Variants in C1orf21 observed in about 807,000 individuals in gnomAD.
C1orf21 encodes the protein chromosome 1 open reading frame 21.
Under a neutral mutation model 18.7 loss-of-function variants are expected in C1orf21, and 3 were observed. The observed-to-expected ratio is 0.16, with a 90% CI of 0.07 to 0.42. The LOEUF (loss-of-function observed/expected upper bound fraction) is 0.42, where lower values mean the gene tolerates loss of function less well. Among genes scored for constraint, C1orf21 ranks in the 10% least tolerant of loss-of-function variants. The pLI is 0.99. For synonymous variants in C1orf21, 41 were observed against 46.4 expected (o/e 0.88, Z 0.47); for missense variants, 104 against 143.6 (o/e 0.72, Z 1.41).
intron 4 of C1orf21, among the ~76,000 whole-genome samples, chr1:184,597,660 A>G (rs1026581931): frequency 5.3e-5 from 8 of 152,136 alleles, no homozygotes; most frequent in East Asian, 1.9e-4. Flanking sequence ...ACCATGGCCC[A>G]TTAAGACTAA....
intron 2 of C1orf21, among the ~76,000 whole-genome samples, chr1:184,502,546 A>G (rs573849503): frequency 5.3e-5 from 8 of 151,962 alleles, no homozygotes; most frequent in Non-Finnish European, 1.2e-4. Context: ...AAATGTAAAT[A>G]AGCATTAGGT....
chr1:184,617,805 A>G (rs1478704353), intron 5 of C1orf21, among the ~76,000 whole-genome samples: 1 of 152,082 alleles, frequency 6.6e-6, no homozygotes, highest in South Asian at 2.1e-4. Context: ...ATCCCATTCT[A>G]AGGGAGCAAG....
intron 3 of C1orf21, among the ~76,000 whole-genome samples, chr1:184,528,076 G>A (rs936873310): frequency 1.3e-5 from 2 of 152,154 alleles, no homozygotes; most frequent in African/African-American, 4.8e-5. Flanking sequence ...AGTAAGTGCT[G>A]TGTAAGTGTT....
chr1:184,580,102 G>A (rs1408773019), intron 3 of C1orf21, among the ~76,000 whole-genome samples: 3 of 152,050 alleles, frequency 2.0e-5, no homozygotes, highest in Admixed American at 1.3e-4. Context: ...CCTCCAGAAA[G>A]TCAACAAGCA....
In C1orf21 at chr1:184,425,010, G is replaced by A. The variant is rs1330302774; in HGVS notation, c.-125+37642G>A. On this transcript the variant is annotated intron_variant, in intron 1 of 5. Coordinates refer to ENST00000235307, the MANE Select transcript of C1orf21 (RefSeq NM_030806.4). ...ATGAACATCTTAAAAAACTTAGGTG[G>A]AGGTCTTTAACTTAATTTCTGTTAA... Among the ~76,000 whole-genome samples the A allele has an allele frequency of 2.0e-5, 3 of 152,252 alleles. 1 individual carries two copies. In the South Asian group the frequency reaches 6.2e-4, roughly 32 times the overall value.
At chr1:184,503,334 T>A (rs1658005771) in intron 2 of C1orf21, among the ~76,000 whole-genome samples, 1 of 152,106 alleles carries the variant, frequency 6.6e-6, no homozygotes, top group Non-Finnish European at 1.5e-5. Flanking sequence ...CTCAGGGAAT[T>A]GATAGTGGTA....
intron 1 of C1orf21, among the ~76,000 whole-genome samples, chr1:184,443,258 G>T (rs1445622141): frequency 6.6e-6 from 1 of 151,942 alleles, no homozygotes; most frequent in Admixed American, 6.6e-5. Flanking sequence ...AAAGAGCTCT[G>T]GGTGAGATTA....
rs188827389 is a variant in C1orf21 at position 184,609,957 on chromosome 1, T to C, written c.328-9561T>C. ...TTCATGTTTGTAAAATAAGAACAGTTTTTGCAGAAGAGCTCTGGAGAGATG... is the reference window on the plus strand; with the variant it reads ...TTCATGTTTGTAAAATAAGAACAGTCTTTGCAGAAGAGCTCTGGAGAGATG... On this transcript the variant is annotated intron_variant, in intron 5 of 5. Transcript: ENST00000235307. Among the ~76,000 whole-genome samples the C allele has an allele frequency of 3.9e-5, 6 of 152,344 alleles. No individual in the cohort carries two copies. The East Asian group carries it at 1.2e-3, about 29-fold the overall frequency.
chr1:184,426,721 T>C (rs950355126), intron 1 of C1orf21, among the ~76,000 whole-genome samples: 1 of 152,148 alleles, frequency 6.6e-6, no homozygotes, highest in Non-Finnish European at 1.5e-5. Flanking sequence ...ATTATTTGTA[T>C]AATTATTCCT....
At chr1:184,564,695 C>T (rs78082047) in intron 3 of C1orf21, among the ~76,000 whole-genome samples, 1,591 of 152,256 alleles carry the variant, frequency 0.01, 22 homozygotes, top group Non-Finnish European at 0.013. Context: ...TGAAGAGTTG[C>T]ATTTCTTAGC....
chr1:184,394,384 G>C (rs962583700), intron 1 of C1orf21, among the ~76,000 whole-genome samples: 1 of 152,164 alleles, frequency 6.6e-6, no homozygotes, highest in Non-Finnish European at 1.5e-5. Flanking sequence ...ACCTGAACTG[G>C]GTGAGGAAAG....
rs987133622 is a variant in C1orf21 at position 184,495,705 on chromosome 1, A to G, written c.95-11883A>G. ...GGGAGGCCAAGGCGGGTGGATCGTG[A>G]GGTCAGGAGTTCAAGACCAGCCTGG... On this transcript the variant is annotated intron_variant, in intron 2 of 5. Coordinates refer to ENST00000235307, the MANE Select transcript of C1orf21 (RefSeq NM_030806.4). 3.9e-5 allele frequency among the ~76,000 whole-genome samples: 6 copies of G among 152,010 alleles called. 1 individual carries two copies. In the South Asian group the frequency reaches 1.2e-3, roughly 32 times the overall value.
chr1:184,611,756 A>G lies in C1orf21; in HGVS notation c.328-7762A>G, dbSNP rs539622114. On this transcript the variant is annotated intron_variant, in intron 5 of 5. Coordinates refer to ENST00000235307, the MANE Select transcript of C1orf21 (RefSeq NM_030806.4). ...TCAGGATGCTGTTTGCCACTCAGAA[A>G]GCAGTTAAGTCCCACAGTACAGGAT... is the stretch of plus-strand genomic sequence containing the variant. Among the ~76,000 whole-genome samples the G allele has an allele frequency of 3.3e-5, 5 of 152,200 alleles. No individual in the cohort carries two copies. The South Asian group carries it at 1.0e-3, about 32-fold the overall frequency.
intron 1 of C1orf21, among the ~76,000 whole-genome samples, chr1:184,423,069 T>C (rs928902627): frequency 1.3e-5 from 2 of 152,240 alleles, no homozygotes; most frequent in Non-Finnish European, 2.9e-5. Context: ...GTTTACTTAA[T>C]GGGGACAATG....
intron 3 of C1orf21, among the ~76,000 whole-genome samples, chr1:184,519,341 A>G (rs1337502915): frequency 6.6e-6 from 1 of 152,182 alleles, no homozygotes; most frequent in African/African-American, 2.4e-5. Flanking sequence ...GAAATACAGC[A>G]ACATAAACAA....
chr1:184,485,603 A>G (rs1657721444), intron 2 of C1orf21, among the ~76,000 whole-genome samples: 1 of 152,054 alleles, frequency 6.6e-6, no homozygotes, highest in South Asian at 2.1e-4. Flanking sequence ...CTATGCATTA[A>G]GTGAGCACTA....
intron 2 of C1orf21, among the ~76,000 whole-genome samples, chr1:184,499,806 A>G (rs889120749): frequency 7.2e-5 from 11 of 152,188 alleles, no homozygotes; most frequent in African/African-American, 2.7e-4. Flanking sequence ...GAGTCATGAT[A>G]CTGGCCTCAT....
intron 1 of C1orf21, among the ~76,000 whole-genome samples, chr1:184,429,380 C>A (rs1349584962): frequency 6.6e-6 from 1 of 152,064 alleles, no homozygotes; most frequent in Non-Finnish European, 1.5e-5. Context: ...TAAATTATGT[C>A]GTTTGCAAAT....
chr1:184,445,888 A>G (rs1346213761), intron 1 of C1orf21, among the ~76,000 whole-genome samples: 1 of 152,202 alleles, frequency 6.6e-6, no homozygotes, highest in East Asian at 1.9e-4. Flanking sequence ...CAATTACATT[A>G]ACATAATATT....
Sources: gnomAD v4.1 joint callset for allele counts (sites outside exome capture counted in the v4.1 genomes callset) on GRCh38, gnomAD v4.1.1 for gene constraint, MANE v1.5 for transcripts, NCBI Gene and HGNC (gene_info 2026-07-23, HGNC 2026-07-21) for gene names.